Variants in POU2F1 observed in about 807,000 individuals in gnomAD.
POU2F1 encodes the protein POU class 2 homeobox 1.
POU2F1 carries 16 observed loss-of-function variants against 84.9 expected under a neutral mutation model. That is an observed-to-expected ratio of 0.19 (90% CI 0.13 to 0.29). The LOEUF (loss-of-function observed/expected upper bound fraction) is 0.29. POU2F1 is among the 10% of genes least tolerant of loss of function. The probability of loss-of-function intolerance (pLI) is 1.00; values close to 1 mark genes in which losing one functional copy is unlikely to be tolerated. For missense variants in POU2F1, 738 were observed against 942.6 expected (o/e 0.78, Z 2.84); for synonymous variants, 368 against 368.3 (o/e 1.00, Z 0.01).
At chr1:167,282,687 G>A (rs958327780) in intron 1 of POU2F1, among the ~76,000 whole-genome samples, 7 of 151,710 alleles carry the variant, frequency 4.6e-5, no homozygotes, top group African/African-American at 1.5e-4. Flanking sequence ...TACTTTTTCT[G>A]TACTTTTCCA....
intron 11 of POU2F1, 118 bp from the exon 12 acceptor site, chr1:167,399,068 C>G: frequency 1.1e-6 from 1 of 901,614 alleles, no homozygotes; most frequent in Non-Finnish European, 1.6e-6. Context: ...TGAAAGTGGC[C>G]TAATGTGGAT....
intron 13 of POU2F1, 43 bp downstream of exon 13, chr1:167,401,599 G>T: frequency 7.2e-7 from 1 of 1,393,508 alleles, no homozygotes; most frequent in Non-Finnish European, 9.9e-7. Context: ...CACATGGGAG[G>T]CCCGTTTTGG....
chr1:167,300,021 G>A (rs1456551755), intron 1 of POU2F1, among the ~76,000 whole-genome samples: 1 of 152,122 alleles, frequency 6.6e-6, no homozygotes, highest in African/African-American at 2.4e-5. Flanking sequence ...ATTAACCAAG[G>A]TGCCCATTAA....
Position 167,220,903 on chromosome 1 carries a change from G to A in POU2F1, c.6G>A (p.Ala2=). The A allele has an allele frequency of 2.0e-6, 3 of 1,535,164 alleles. No individual in the cohort carries two copies. The highest frequency in any genetic ancestry group is 2.6e-6 in the Non-Finnish European group (3 of 1,146,744). The stretch of plus-strand genomic sequence containing the variant: ...TTTTGGTTAAAATATTCAAAATGGC[G>A]GACGGAGGAGCAGCGAGTCAAGATG... M[A]DGGAASQDES... is the part of the protein sequence containing the mutation. Residue 2 remains alanine, a synonymous_variant, in exon 1 of 16, where the codon GCG becomes GCA. Coordinates refer to ENST00000367866, the MANE Select transcript of POU2F1 (RefSeq NM_002697.4).
At chr1:167,231,393 A>C (rs1461761003) in intron 1 of POU2F1, among the ~76,000 whole-genome samples, 5 of 152,152 alleles carry the variant, frequency 3.3e-5, no homozygotes, top group Admixed American at 3.3e-4. Flanking sequence ...CTAGTAGGAG[A>C]GCTAAATTGT....
At chr1:167,284,033 T>A (rs1428168669) in intron 1 of POU2F1, among the ~76,000 whole-genome samples, 9 of 152,198 alleles carry the variant, frequency 5.9e-5, no homozygotes, top group African/African-American at 2.2e-4. Flanking sequence ...ATATTTATTT[T>A]TGACCGCTCT....
intron 15 of POU2F1, chr1:167,414,479 T>A: frequency 1.0e-6 from 1 of 985,434 alleles, no homozygotes; most frequent in Non-Finnish European, 1.2e-6. Context: ...AGAAATCAAA[T>A]GTGTAATGCC....
At chr1:167,382,756 A>T (rs1406151832) in intron 7 of POU2F1, among the ~76,000 whole-genome samples, 1 of 152,184 alleles carries the variant, frequency 6.6e-6, no homozygotes, top group African/African-American at 2.4e-5. Context: ...AGATCAGCAA[A>T]AGTCAGGGTT....
At chr1:167,225,970 A>G (rs1648601908) in intron 1 of POU2F1, among the ~76,000 whole-genome samples, 1 of 152,244 alleles carries the variant, frequency 6.6e-6, no homozygotes, top group Non-Finnish European at 1.5e-5. Flanking sequence ...ATTAGTAAAG[A>G]CTTGCTATGA....
intron 2 of POU2F1, among the ~76,000 whole-genome samples, chr1:167,335,578 G>A (rs778573794): frequency 6.6e-6 from 1 of 152,120 alleles, no homozygotes; most frequent in Non-Finnish European, 1.5e-5. Context: ...TGAAATGGAA[G>A]GGAGAAGCAA....
chr1:167,371,362 A>G (rs936866110), intron 4 of POU2F1, among the ~76,000 whole-genome samples: 3 of 152,262 alleles, frequency 2.0e-5, no homozygotes, highest in Admixed American at 1.3e-4. Context: ...AATGCTTTGC[A>G]TAACCAGTTT....
At position 167,416,239 on chromosome 1, in the gene POU2F1, T is replaced by G; in HGVS notation, c.*429T>G. 2 of 307,578 alleles carry G rather than the reference T, an allele frequency of 6.5e-6. 1 individual carries two copies. The highest frequency in any genetic ancestry group is 4.4e-5 in the African/African-American group (2 of 45,054). The allele number at this position is 307,578 out of a possible 1,614,324, so 19.1% of individuals were successfully genotyped here. A position where few individuals can be genotyped will look rare whatever the true frequency, so the allele number is the denominator to read the frequency against. ...GGATTTCTTGTTTGTCTAAATTTCT[T>G]TTTTTCTTAAAAAAAAAAAATCATT... On this transcript the variant is annotated 3_prime_UTR_variant, in exon 16 of 16. Transcript: ENST00000367866.
intron 2 of POU2F1, among the ~76,000 whole-genome samples, chr1:167,338,643 A>G (rs1253628333): frequency 6.6e-6 from 1 of 152,226 alleles, no homozygotes; most frequent in Non-Finnish European, 1.5e-5. Context: ...TTGCACAAGG[A>G]TGCTTCCCTT....
At chr1:167,292,693 A>G (rs1336734102) in intron 1 of POU2F1, among the ~76,000 whole-genome samples, 1 of 151,870 alleles carries the variant, frequency 6.6e-6, no homozygotes, top group Admixed American at 6.5e-5. Flanking sequence ...TAATAAATAA[A>G]TAAAAATTAA....
intron 1 of POU2F1, among the ~76,000 whole-genome samples, chr1:167,311,585 A>G (rs536217099): frequency 1.2e-4 from 18 of 152,228 alleles, no homozygotes; most frequent in African/African-American, 4.3e-4. Flanking sequence ...AAAAATTCCT[A>G]TTGCTTGGTG....
chr1:167,408,408 A>G (rs1649733613), intron 13 of POU2F1, among the ~76,000 whole-genome samples: 2 of 152,208 alleles, frequency 1.3e-5, no homozygotes, highest in African/African-American at 2.4e-5. Context: ...TTCAATGTGA[A>G]TGTTTATATA....
chr1:167,252,388 A>G (rs116075511), intron 1 of POU2F1, among the ~76,000 whole-genome samples: 2,354 of 152,320 alleles, frequency 0.015, 64 homozygotes, highest in African/African-American at 0.054. Flanking sequence ...AAGGAGAAGC[A>G]CGTATGTTTG....
chr1:167,221,113 G>T (rs1648093985), intron 1 of POU2F1, among the ~76,000 whole-genome samples, 155 bp downstream of exon 1: 1 of 151,008 alleles, frequency 6.6e-6, no homozygotes, highest in South Asian at 2.1e-4. Flanking sequence ...CCCGCCGGGC[G>T]CTGAGCGGAG....
intron 1 of POU2F1, among the ~76,000 whole-genome samples, chr1:167,294,307 C>T (rs566986043): frequency 6.6e-6 from 1 of 151,918 alleles, no homozygotes; most frequent in South Asian, 2.1e-4. Context: ...CGACATCATG[C>T]CACTGCACTC....
Sources: allele counts gnomAD v4.1 joint callset (sites outside exome capture counted in the v4.1 genomes callset), GRCh38; gene constraint gnomAD v4.1.1; transcripts MANE v1.5; gene names NCBI Gene and HGNC (gene_info 2026-07-23, HGNC 2026-07-21).